Variants in GAP43 observed in about 807,000 individuals in gnomAD.
GAP43 encodes the protein neuromodulin.
Under a neutral mutation model 18.6 loss-of-function variants are expected in GAP43, and 6 were observed. The observed-to-expected ratio is 0.32, with a 90% CI of 0.18 to 0.64. The LOEUF is 0.64. Among genes scored for constraint, GAP43 ranks in the 30% least tolerant of loss-of-function variants. GAP43 has a pLI of 0.78. For synonymous variants in GAP43, 115 were observed against 111.4 expected, an observed-to-expected ratio of 1.03 and a Z score of -0.20; for missense variants, 292 against 295.5, an observed-to-expected ratio of 0.99 and a Z score of 0.09.
At chr3:115,645,898 C>T (rs564973943) in intron 1 of GAP43, among the ~76,000 whole-genome samples, 1 of 152,160 alleles carries the variant, frequency 6.6e-6, no homozygotes, top group South Asian at 2.1e-4. Context: ...CATATGCAGA[C>T]ACAAAACTCT....
At chr3:115,658,085 C>A (rs1215852871) in intron 1 of GAP43, among the ~76,000 whole-genome samples, 1 of 152,090 alleles carries the variant, frequency 6.6e-6, no homozygotes, top group Non-Finnish European at 1.5e-5. Context: ...ATCATATAAA[C>A]CAAACATACT....
intron 2 of GAP43, among the ~76,000 whole-genome samples, chr3:115,720,120 A>ACAGT (rs901932125): frequency 6.6e-6 from 1 of 152,176 alleles, no homozygotes; most frequent in Non-Finnish European, 1.5e-5. Context: ...TAGGAGTGGT[A>ACAGT]CAGTCACTCA....
chr3:115,667,461 A>G (rs1259634563), intron 1 of GAP43, among the ~76,000 whole-genome samples: 1 of 152,220 alleles, frequency 6.6e-6, no homozygotes, highest in Non-Finnish European at 1.5e-5. Context: ...AAATAGATGA[A>G]CAATCATTAT....
intron 2 of GAP43, among the ~76,000 whole-genome samples, chr3:115,710,737 G>A (rs1709424707): frequency 1.3e-5 from 2 of 151,982 alleles, no homozygotes; most frequent in African/African-American, 4.8e-5. Flanking sequence ...TGAAAACTGG[G>A]TAAAAAAAAT....
chr3:115,711,784 G>C (rs1303746475), intron 2 of GAP43, among the ~76,000 whole-genome samples: 1 of 133,698 alleles, frequency 7.5e-6, no homozygotes, highest in Non-Finnish European at 1.7e-5. Context: ...TGGGAGCAGG[G>C]ATGAGGGAGT....
intron 1 of GAP43, among the ~76,000 whole-genome samples, chr3:115,653,910 A>T (rs1021034273): frequency 2.0e-5 from 3 of 150,400 alleles, no homozygotes; most frequent in East Asian, 1.9e-4. Flanking sequence ...ATCTGAAATT[A>T]AAAAAAAAAT....
At chr3:115,678,294 A>G (rs1439143888) in intron 2 of GAP43, among the ~76,000 whole-genome samples, 1 of 152,190 alleles carries the variant, frequency 6.6e-6, no homozygotes, top group Non-Finnish European at 1.5e-5. Context: ...AATACAGAAC[A>G]TATCTGACAT....
At chr3:115,702,370 A>T (rs540593339) in intron 2 of GAP43, among the ~76,000 whole-genome samples, 5 of 152,140 alleles carry the variant, frequency 3.3e-5, no homozygotes, top group Non-Finnish European at 7.4e-5. Flanking sequence ...GTCTACAAGG[A>T]TAATATTGAC....
At chr3:115,653,573 C>G (rs1328007878) in intron 1 of GAP43, among the ~76,000 whole-genome samples, 1 of 152,176 alleles carries the variant, frequency 6.6e-6, no homozygotes, top group Non-Finnish European at 1.5e-5. Context: ...CAAGGGTAAC[C>G]TGCGCCTCCT....
intron 2 of GAP43, among the ~76,000 whole-genome samples, chr3:115,701,680 G>C (rs1709299060): frequency 6.6e-6 from 1 of 151,908 alleles, no homozygotes; most frequent in South Asian, 2.1e-4. Flanking sequence ...ATTTACATTG[G>C]ACTTTTTTAG....
At chr3:115,667,859 A>T (rs1460950945) in intron 1 of GAP43, among the ~76,000 whole-genome samples, 1 of 152,088 alleles carries the variant, frequency 6.6e-6, no homozygotes, top group African/African-American at 2.4e-5. Flanking sequence ...TTTTTAGCTG[A>T]GTGATGGGGA....
chr3:115,633,480 G>A (rs182609329), intron 1 of GAP43, among the ~76,000 whole-genome samples: 192 of 152,234 alleles, frequency 1.3e-3, no homozygotes, highest in African/African-American at 3.7e-3. Context: ...TTAGCTACCC[G>A]AGTCAGAAGG....
At chr3:115,716,854 A>T (rs2107380742) in intron 2 of GAP43, among the ~76,000 whole-genome samples, 1 of 147,394 alleles carries the variant, frequency 6.8e-6, no homozygotes, top group African/African-American at 2.5e-5. Context: ...GAGTTTCATC[A>T]ATTTTAATTT....
chr3:115,685,471 T>C (rs1413909220), intron 2 of GAP43, among the ~76,000 whole-genome samples: 2 of 152,220 alleles, frequency 1.3e-5, no homozygotes, highest in Non-Finnish European at 2.9e-5. Flanking sequence ...GGGTGAATTG[T>C]TATTGTGTTC....
chr3:115,708,940 G>GTTTTTTTTTTTTTTTTTTTTTTTT (rs3086974), intron 2 of GAP43, among the ~76,000 whole-genome samples: 21 of 99,806 alleles, frequency 2.1e-4, no homozygotes, highest in African/African-American at 7.9e-4. Context: ...AACTGGCTGG[G>GTTTTTTTTTTTTTTTTTTTTTTTT]TTTTTTTTTT....
chr3:115,668,335 C>T lies in GAP43; in HGVS notation c.31-7678C>T, dbSNP rs577118208. Reference sequence around the variant, plus strand: ...AGGGACTAGTTATTCCCAGCCTACTCCCCTTAAGCTTTGGAGAGCAATACA... The same window carrying T: ...AGGGACTAGTTATTCCCAGCCTACTTCCCTTAAGCTTTGGAGAGCAATACA... On this transcript the variant is annotated intron_variant, in intron 1 of 2. Transcript: ENST00000305124. Among the ~76,000 whole-genome samples the T allele has an allele frequency of 2.0e-5, 3 of 152,244 alleles. No individual in the cohort carries two copies. The South Asian group carries it at 6.2e-4, about 32-fold the overall frequency.
At chr3:115,642,703 A>T (rs912070883) in intron 1 of GAP43, among the ~76,000 whole-genome samples, 23 of 152,218 alleles carry the variant, frequency 1.5e-4, no homozygotes, top group Admixed American at 1.4e-3. Context: ...ACTCCAAAAG[A>T]TTTTTAAGAA....
intron 2 of GAP43, among the ~76,000 whole-genome samples, chr3:115,700,556 A>G (rs115699458): frequency 0.02 from 3,041 of 152,092 alleles, 89 homozygotes; most frequent in African/African-American, 0.068. Context: ...TTGCTCAACT[A>G]TATGTGTGTT....
At chr3:115,687,397 A>T (rs1709048443) in intron 2 of GAP43, among the ~76,000 whole-genome samples, 1 of 151,438 alleles carries the variant, frequency 6.6e-6, no homozygotes. Flanking sequence ...GTAGTCGCAG[A>T]TAGGACTGGT....
Sources: gnomAD v4.1 joint callset for allele counts (sites outside exome capture counted in the v4.1 genomes callset) on GRCh38, gnomAD v4.1.1 for gene constraint, MANE v1.5 for transcripts, NCBI Gene and HGNC (gene_info 2026-07-23, HGNC 2026-07-21) for gene names.